Variants in ZNF687 observed in about 807,000 individuals in gnomAD.
ZNF687 encodes zinc finger protein 687.
In ZNF687, 13 loss-of-function variants were observed where a neutral mutation model predicts 71.8. That is an observed-to-expected ratio of 0.18 (90% CI 0.12 to 0.29). The LOEUF (loss-of-function observed/expected upper bound fraction) is 0.29. ZNF687 is among the 10% of genes least tolerant of loss of function. ZNF687 has a pLI of 1.00. For synonymous variants in ZNF687, 673 were observed against 641.6 expected (o/e 1.05, Z -0.74); for missense variants, 1,412 against 1,625.6 (o/e 0.87, Z 2.26).
rs1694098264 is a variant in ZNF687, at chr1:151,289,394, G to A, written c.2488G>A (p.Ala830Thr). ...TQQAKLIYKC[A>T]MCDTVFTHKP... is the part of the protein sequence containing the mutation. ...TCACTTCAGGCTGATCTACAAGTGC[G>A]CCATGTGCGACACAGTCTTCACTCA... The change falls in exon 5 of 9, where the codon GCC becomes ACC. Residue 830 changes from alanine to threonine, a missense_variant. Physicochemically the swap from Ala to Thr is moderately conservative, Grantham distance 58. Transcript: ENST00000336715. The A allele has an allele frequency of 4.3e-6, 7 of 1,614,166 alleles. No individual in the cohort carries two copies. The highest frequency in any genetic ancestry group is 5.9e-6 in the Non-Finnish European group (7 of 1,180,032).
Position 151,287,028 on chromosome 1 carries a change from C to G in ZNF687, c.737C>G (p.Thr246Arg). The change falls in exon 2 of 9, where the codon ACG becomes AGG. Residue 246 changes from threonine to arginine, a missense_variant. Coordinates refer to ENST00000336715, the MANE Select transcript of ZNF687 (RefSeq NM_020832.3). The surrounding 1 kb of genome is among the most constrained non-coding windows in gnomAD (Gnocchi z 5.0). ...GGCTCAGGCTCCAGCCCTAAGGCCA[C>G]GGACATCCCTGCCAGTGCCTCGCCT... ...QQGSGSSPKA[T>R]DIPASASPPP... The G allele has an allele frequency of 6.2e-7, 1 of 1,606,818 alleles. No homozygotes were observed. The highest frequency in any genetic ancestry group is 1.1e-5 in the South Asian group (1 of 90,422).
chr1:151,290,956 G>T lies in ZNF687; in HGVS notation c.3461G>T (p.Arg1154Leu). 1 of 1,613,856 alleles carries T rather than the reference G, an allele frequency of 6.2e-7. No individual in the cohort carries two copies. Among genetic ancestry groups the T allele is most frequent in the South Asian group, 1.1e-5 (1 of 91,086 alleles). The stretch of plus-strand genomic sequence containing the variant: ...TCCCCTGGCTCCCTGAGCCGACACC[G>T]TTTCATCAGCCACAAGAAGAGACGG... ...FASPGSLSRH[R>L]FISHKKRRGV... Residue 1154 changes from arginine to leucine, a missense_variant, in exon 9 of 9, where the codon CGT (arginine) becomes CTT (leucine). By Grantham distance (102) the Arg-to-Leu change is moderately radical (BLOSUM62 -2). Coordinates refer to ENST00000336715, the MANE Select transcript of ZNF687 (RefSeq NM_020832.3).
chr1:151,283,286 C>T (rs1291290105), intron 1 of ZNF687: 1 of 985,252 alleles, frequency 1.0e-6, no homozygotes, highest in Non-Finnish European at 1.2e-6. Flanking sequence ...CCCTCGCCCT[C>T]CTCTGCGCTG....
In ZNF687 at chr1:151,286,359, C is replaced by T. The variant is rs1201665753; in HGVS notation, c.68C>T (p.Ala23Val). 3.1e-6 allele frequency: 5 copies of T among 1,602,422 alleles called. No individual in the cohort carries two copies. The highest frequency in any genetic ancestry group is 2.2e-5 in the East Asian group (1 of 44,848). Residue 23 changes from alanine (A) to valine (V), a missense_variant, in exon 2 of 9, where the codon GCG becomes GTG. This residue lies in a region of ZNF687 where 490 missense variants were observed against 489.9 expected (regional missense o/e 1.00). Coordinates refer to ENST00000336715, the MANE Select transcript of ZNF687 (RefSeq NM_020832.3). ...GCCTTTGACATCCCTGACATTGATGCGAATGAAGCCATCCATTCTGGGCCA... is the reference window on the plus strand; with the variant it reads ...GCCTTTGACATCCCTGACATTGATGTGAATGAAGCCATCCATTCTGGGCCA... ...LAAFDIPDIDANEAIHSGPEE... is the reference protein window; with the variant it reads ...LAAFDIPDIDVNEAIHSGPEE...
Position 151,288,338 on chromosome 1 carries a change from C to A in ZNF687, c.2047C>A (p.Arg683=), listed in dbSNP as rs587752645. 8.7e-6 allele frequency: 14 copies of A among 1,611,258 alleles called. No homozygotes were observed. Among genetic ancestry groups the A allele is most frequent in the Non-Finnish European group, 1.1e-5 (13 of 1,179,942 alleles). ...CTGCCTGGAGTGCAAGGAACAGTGC[C>A]GGGACAAGGCTGGCATGGCAGCTCA... ...FRCLECKEQC[R]DKAGMAAHFQ... Residue 683 remains arginine, a synonymous_variant, in exon 2 of 9, where the codon CGG becomes AGG. Coordinates refer to ENST00000336715, the MANE Select transcript of ZNF687 (RefSeq NM_020832.3).
rs1240310166 is a variant in ZNF687 at position 151,289,911 on chromosome 1, G to C, written c.2868G>C (p.Gly956=). The part of the protein sequence containing the change: ...RELGSKGLKG[G]GGGPGGWTCG... ...TAGGGAGCAAAGGCCTCAAGGGTGG[G>C]GGTGGGGGGCCTGGAGGCTGGACCT... Residue 956 remains glycine, a synonymous_variant, in exon 6 of 9, where the codon GGG becomes GGC. Transcript: ENST00000336715. 1 of 1,557,866 alleles carries C rather than the reference G, an allele frequency of 6.4e-7. No homozygotes were observed. The highest frequency in any genetic ancestry group is 8.7e-7 in the Non-Finnish European group (1 of 1,148,830).
intron 1 of ZNF687, chr1:151,283,373 C>T (rs909397078): frequency 1.1e-6 from 1 of 945,202 alleles, no homozygotes; most frequent in Non-Finnish European, 1.3e-6. Context: ...TGTTCAGCCT[C>T]TTTGGCTTTT....
rs745563703 is a variant in ZNF687, at chr1:151,290,451, C to T, written c.3097C>T (p.Arg1033Cys). 3.1e-6 allele frequency: 5 copies of T among 1,613,840 alleles called. No individual in the cohort carries two copies. The African/African-American group carries it at 4.0e-5, about 13-fold the overall frequency. Residue 1033 changes from arginine (R) to cysteine (C), a missense_variant, in exon 8 of 9, where the codon CGC becomes TGC. Physicochemically the swap from Arg to Cys is radical, Grantham distance 180 (BLOSUM62 -3). Transcript: ENST00000336715. ...YPCRYCTEGKRTFSSRLILEK... is the reference protein window; with the variant it reads ...YPCRYCTEGKCTFSSRLILEK... ...TTTCAGGTATTGCACAGAGGGAAAA[C>T]GCACCTTCAGCAGCCGCCTGATCCT...
In ZNF687 at chr1:151,286,470, G is replaced by A; in HGVS notation, c.179G>A (p.Gly60Glu). ...ESEDTAAASA[G>E]DGPGVPAQAS... Reference sequence around the variant, plus strand: ...GAAGACACAGCAGCAGCCTCTGCTGGGGATGGCCCTGGAGTTCCAGCCCAG... The same window carrying A: ...GAAGACACAGCAGCAGCCTCTGCTGAGGATGGCCCTGGAGTTCCAGCCCAG... Residue 60 changes from glycine to glutamate, a missense_variant, in exon 2 of 9, where the codon GGG (glycine) becomes GAG (glutamate). This residue lies in a region of ZNF687 where 490 missense variants were observed against 489.9 expected (regional missense o/e 1.00). Transcript: ENST00000336715. The A allele has an allele frequency of 6.2e-7, 1 of 1,613,958 alleles. No homozygotes were observed. Among genetic ancestry groups the A allele is most frequent in the East Asian group, 2.2e-5 (1 of 44,866 alleles).
At position 151,291,423 on chromosome 1, in the gene ZNF687, ATTCC is replaced by A; in HGVS notation, c.*216_*219del. On this transcript the variant is annotated 3_prime_UTR_variant, in exon 9 of 9. Transcript: ENST00000336715. The stretch of plus-strand genomic sequence containing the variant: ...GGAGTCCTAGTAGAGTGGACCCTCC[ATTCC>A]TCCTTTCTGAGCCCAACACTAATTA... 1 of 572,968 alleles carries A rather than the reference ATTCC, an allele frequency of 1.7e-6. No homozygotes were observed. The highest frequency in any genetic ancestry group is 3.0e-6 in the Non-Finnish European group (1 of 334,532). 35.5% of individuals were successfully genotyped at this position (572,968 alleles called of 1,614,324 possible).
At chr1:151,284,052 A>G (rs892940495) in intron 1 of ZNF687, 7 of 985,456 alleles carry the variant, frequency 7.1e-6, no homozygotes, top group Non-Finnish European at 8.4e-6. Flanking sequence ...TTAGTGCCAC[A>G]TAATTCTTGT....
upstream of ZNF687, chr1:151,281,949 T>A: frequency 5.3e-6 from 6 of 1,136,676 alleles, no homozygotes; most frequent in Non-Finnish European, 6.8e-6. Flanking sequence ...GAGACGCACC[T>A]GGGTGCTCCC....
In ZNF687 at chr1:151,291,509, C is replaced by G; in HGVS notation, c.*300C>G. 1 of 349,226 alleles carries G rather than the reference C, an allele frequency of 2.9e-6. No homozygotes were observed. The highest frequency in any genetic ancestry group is 3.2e-5 in the South Asian group (1 of 31,294). 21.6% of individuals were successfully genotyped at this position (349,226 alleles called of 1,614,324 possible). ...TGGGCCTGGGGGTGGGAGGATGGGACTTAGGTATGCCTGCTAGACAGGTTC... is the reference window on the plus strand; with the variant it reads ...TGGGCCTGGGGGTGGGAGGATGGGAGTTAGGTATGCCTGCTAGACAGGTTC... On this transcript the variant is annotated 3_prime_UTR_variant, in exon 9 of 9. Coordinates refer to ENST00000336715, the MANE Select transcript of ZNF687 (RefSeq NM_020832.3).
intron 2 of ZNF687, 48 bp downstream of exon 2, chr1:151,288,454 C>G: frequency 6.3e-7 from 1 of 1,582,064 alleles, no homozygotes; most frequent in Non-Finnish European, 8.6e-7. Context: ...TCTAGGAAGG[C>G]GTTGGGGGCT....
intron 1 of ZNF687, chr1:151,284,063 G>A: frequency 2.0e-6 from 2 of 985,414 alleles, no homozygotes; most frequent in Non-Finnish European, 2.4e-6. Flanking sequence ...TAATTCTTGT[G>A]GGATTTTTAA....
Position 151,291,285 on chromosome 1 carries a change from G to A in ZNF687, c.*76G>A, listed in dbSNP as rs908538072. 2 of 1,502,856 alleles carry A rather than the reference G, an allele frequency of 1.3e-6. No homozygotes were observed. The highest frequency in any genetic ancestry group is 1.4e-5 in the African/African-American group (1 of 71,442). 93.1% of individuals were successfully genotyped at this position (1,502,856 alleles called of 1,614,324 possible). On this transcript the variant is annotated 3_prime_UTR_variant, in exon 9 of 9. Transcript: ENST00000336715. The stretch of plus-strand genomic sequence containing the variant: ...CCTACTGCTGCCTGATCCCTCGGCT[G>A]GGGAGTTTTCATTAACATTAATATT...
rs772237337 is a variant in ZNF687, at chr1:151,288,297, C to T, written c.2006C>T (p.Ala669Val). ...CCGCCTGCTGCCCCGGCCACCTCTG[C>T]TTACACATGCTTTCGCTGCCTGGAG... ...TEPPAAPATS[A>V]YTCFRCLECK... Residue 669 changes from alanine to valine, a missense_variant, in exon 2 of 9, where the codon GCT (alanine) becomes GTT (valine). This residue lies in a region of ZNF687 where 207 missense variants were observed against 239.2 expected (regional missense o/e 0.87). Coordinates refer to ENST00000336715, the MANE Select transcript of ZNF687 (RefSeq NM_020832.3). 1.9e-6 allele frequency: 3 copies of T among 1,613,354 alleles called. No homozygotes were observed. The highest frequency in any genetic ancestry group is 4.5e-5 in the East Asian group (2 of 44,876).
chr1:151,283,615 C>T (rs1693823713), intron 1 of ZNF687, among the ~76,000 whole-genome samples: 2 of 152,116 alleles, frequency 1.3e-5, no homozygotes, highest in Non-Finnish European at 2.9e-5. Flanking sequence ...TCCTAGTCCC[C>T]GCTGGTCTTC....
At chr1:151,282,075 G>A, upstream of ZNF687, 20 of 1,286,956 alleles carry the variant, frequency 1.6e-5, no homozygotes, top group Non-Finnish European at 2.0e-5. Flanking sequence ...AGCCAATGGG[G>A]AGAGGTATCT....
Sources: allele counts gnomAD v4.1 joint callset (sites outside exome capture counted in the v4.1 genomes callset), GRCh38; gene constraint gnomAD v4.1.1; regional missense constraint gnomAD v4.1.1; non-coding constraint Gnocchi (gnomAD v3.1); transcripts MANE v1.5; gene names NCBI Gene and HGNC (gene_info 2026-07-23, HGNC 2026-07-21).